Variants in PIWIL1 observed in about 807,000 individuals in gnomAD.
The protein encoded by PIWIL1 is piwi-like protein 1.
A neutral mutation model predicts 114.4 loss-of-function variants in PIWIL1; 73 were observed. The ratio of observed to expected loss-of-function variants is 0.64; its 90% confidence interval spans 0.53 to 0.78. The LOEUF is 0.78. PIWIL1 is among the 30% of genes least tolerant of loss of function. The pLI is 0.00. For missense variants in PIWIL1, 723 were observed against 1,063.1 expected, an observed-to-expected ratio of 0.68 and a Z score of 4.45; for synonymous variants, 375 against 369.0, an observed-to-expected ratio of 1.02 and a Z score of -0.19.
the PIWIL1 span, chr12:130,424,460 G>C: frequency 4.1e-6 from 5 of 1,232,126 alleles, no homozygotes; most frequent in Non-Finnish European, 5.1e-6. The surrounding 1 kb of genome is among the most constrained non-coding windows in gnomAD (Gnocchi z 9.8). Context: ...ACGCGGCCAC[G>C]GTGTTTCCGA....
chr12:130,348,235 T>C (rs1009541619), intron 7 of PIWIL1, 52 bp downstream of exon 7: 2 of 1,042,244 alleles, frequency 1.9e-6, no homozygotes, highest in Non-Finnish European at 1.4e-6. Flanking sequence ...GACAGACTTT[T>C]GAGACGATAA....
intron 9 of PIWIL1, among the ~76,000 whole-genome samples, chr12:130,352,746 T>C (rs1014313771): frequency 7.9e-5 from 12 of 152,108 alleles, no homozygotes; most frequent in Non-Finnish European, 1.3e-4. Flanking sequence ...GCGTAGCGAG[T>C]ACAAGTTCTG....
In PIWIL1 at chr12:130,354,520, T is replaced by C. The variant is rs2073308603; in HGVS notation, c.1045-17T>C. On this transcript the variant is annotated splice_polypyrimidine_tract_variant and intron_variant, in intron 9 of 20. Transcript: ENST00000245255. ...AGGCATTTGCCGTGAACAGCGACCC[T>C]TTCGTCTCTTGAGCAGCAATACAAC... 1 of 1,613,906 alleles carries C rather than the reference T, an allele frequency of 6.2e-7. No homozygotes were observed. The highest frequency in any genetic ancestry group is 1.3e-5 in the African/African-American group (1 of 74,898).
chr12:130,401,176 C>T, the PIWIL1 span, among the ~76,000 whole-genome samples: 4 of 152,016 alleles, frequency 2.6e-5, no homozygotes, highest in African/African-American at 9.7e-5. Context: ...AGTGCAGTAG[C>T]GTGATCTCGG....
chr12:130,399,275 T>C, the PIWIL1 span: 1 of 552,240 alleles, frequency 1.8e-6, no homozygotes, highest in Non-Finnish European at 2.7e-6. Flanking sequence ...GAATGTAGTC[T>C]AATAGTTCAA....
At chr12:130,357,950 G>T (rs2073409910) in intron 14 of PIWIL1, among the ~76,000 whole-genome samples, 1 of 152,240 alleles carries the variant, frequency 6.6e-6, no homozygotes, top group Non-Finnish European at 1.5e-5. Context: ...GGTATGGGAA[G>T]AGTAGGGTCG....
the PIWIL1 span, among the ~76,000 whole-genome samples, chr12:130,407,544 C>T: frequency 6.6e-6 from 1 of 152,216 alleles, no homozygotes; most frequent in African/African-American, 2.4e-5. Flanking sequence ...CTGGGAATCC[C>T]ATGATTTCTC....
intron 15 of PIWIL1, 25 bp from the exon 16 acceptor site, chr12:130,361,472 CT>C: frequency 6.2e-7 from 1 of 1,611,870 alleles, no homozygotes; most frequent in African/African-American, 1.3e-5. Flanking sequence ...TCCATTGTAT[CT>C]AAAATTACCA....
the PIWIL1 span, among the ~76,000 whole-genome samples, chr12:130,400,228 T>C: frequency 2.6e-5 from 4 of 152,184 alleles, no homozygotes; most frequent in Non-Finnish European, 5.9e-5. Flanking sequence ...CTTCAGACGG[T>C]GGGGACCTGG....
chr12:130,403,137 T>G, the PIWIL1 span, among the ~76,000 whole-genome samples: 1 of 152,174 alleles, frequency 6.6e-6, no homozygotes, highest in Non-Finnish European at 1.5e-5. Flanking sequence ...CTCGAGATGT[T>G]TAAGGTTACA....
At chr12:130,366,265 G>A (rs957203106) in intron 18 of PIWIL1, among the ~76,000 whole-genome samples, 12 of 152,148 alleles carry the variant, frequency 7.9e-5, no homozygotes, top group Admixed American at 2.0e-4. Context: ...TACAAGTGTG[G>A]CTGCTTCAGA....
intron 9 of PIWIL1, chr12:130,351,625 C>T (rs2073213304): frequency 6.6e-6 from 1 of 152,136 alleles, no homozygotes; most frequent in African/African-American, 2.4e-5. Flanking sequence ...ATACCCCATG[C>T]CTAAGTAGGT....
Position 130,354,972 on chromosome 12 carries a change from G to T in PIWIL1, c.1256G>T (p.Arg419Leu), listed in dbSNP as rs138419869. The change falls in exon 11 of 21, where the codon CGT becomes CTT. Residue 419 changes from arginine (R) to leucine (L), a missense_variant. By Grantham distance (102) the Arg-to-Leu change is moderately radical. Transcript: ENST00000245255. ...AGACTAACTCCAGAGCAAAGGCAGC[G>T]TGAAGTGGGACGACTCATTGATTAC... is the stretch of plus-strand genomic sequence containing the variant. ...HTRLTPEQRQ[R>L]EVGRLIDYIH... 1 of 1,612,330 alleles carries T rather than the reference G, an allele frequency of 6.2e-7. No homozygotes were observed. The highest frequency in any genetic ancestry group is 2.2e-5 in the East Asian group (1 of 44,884).
chr12:130,360,256 A>G (rs2073471654), intron 14 of PIWIL1, among the ~76,000 whole-genome samples: 1 of 152,206 alleles, frequency 6.6e-6, no homozygotes, highest in South Asian at 2.1e-4. Context: ...GAAACACCCA[A>G]GGTGGGAAAA....
the PIWIL1 span, among the ~76,000 whole-genome samples, chr12:130,381,119 C>T: frequency 6.6e-6 from 1 of 152,170 alleles, no homozygotes; most frequent in South Asian, 2.1e-4. Flanking sequence ...ATGATTGCCC[C>T]AAGTCCACAG....
At chr12:130,423,351 C>T in the PIWIL1 span, among the ~76,000 whole-genome samples, 24 of 152,308 alleles carry the variant, frequency 1.6e-4, no homozygotes, top group Admixed American at 5.2e-4. Flanking sequence ...CACTGAGGCA[C>T]GGATCTCGCA....
At chr12:130,374,022 G>A (rs1460073556), downstream of PIWIL1, among the ~76,000 whole-genome samples, 1 of 152,126 alleles carries the variant, frequency 6.6e-6, no homozygotes, top group Non-Finnish European at 1.5e-5. Flanking sequence ...AGTCTACCTG[G>A]TGGTTCCTGA....
rs775784652 is a variant in PIWIL1, at chr12:130,367,294, C to T, written c.2321+36C>T. The T allele has an allele frequency of 2.5e-6, 4 of 1,581,480 alleles. No homozygotes were observed. The East Asian group carries it at 6.8e-5, about 27-fold the overall frequency. On this transcript the variant is annotated intron_variant, in intron 19 of 20. Coordinates refer to ENST00000245255, the MANE Select transcript of PIWIL1 (RefSeq NM_004764.5). ...TGTGATGAGCTGAAGGTTGTTTTCTCCTTGGTGGTGGTTTCTTTAGCATGG... is the reference window on the plus strand; with the variant it reads ...TGTGATGAGCTGAAGGTTGTTTTCTTCTTGGTGGTGGTTTCTTTAGCATGG...
intron 18 of PIWIL1, among the ~76,000 whole-genome samples, chr12:130,364,912 A>G (rs2073612532): frequency 6.6e-6 from 1 of 152,232 alleles, no homozygotes; most frequent in Admixed American, 6.5e-5. Context: ...CAAGTTCGTC[A>G]CATTCCCTTG....
Sources: allele counts gnomAD v4.1 joint callset (sites outside exome capture counted in the v4.1 genomes callset), GRCh38; gene constraint gnomAD v4.1.1; non-coding constraint Gnocchi (gnomAD v3.1); transcripts MANE v1.5; gene names NCBI Gene and HGNC (gene_info 2026-07-23, HGNC 2026-07-21).